OSBPL9: variants seen among roughly 807,000 people sequenced by gnomAD.
OSBPL9 encodes oxysterol-binding protein-related protein 9.
In OSBPL9, 40 loss-of-function variants were observed where a neutral mutation model predicts 106.6. The ratio of observed to expected loss-of-function variants is 0.38; its 90% CI spans 0.29 to 0.49. OSBPL9 has a LOEUF of 0.49. OSBPL9 is among the 20% of genes least tolerant of loss of function. The pLI is 0.97. For synonymous variants in OSBPL9, 269 were observed against 295.4 expected, an observed-to-expected ratio of 0.91 and a Z score of 0.92; for missense variants, 609 against 887.2, an observed-to-expected ratio of 0.69 and a Z score of 3.98.
chr1:51,708,042 G>C (rs1023187347), intron 3 of OSBPL9: 1 of 225,622 alleles, frequency 4.4e-6, no homozygotes, highest in Non-Finnish European at 9.3e-6. Context: ...CAAAGAAGGG[G>C]TCACTGATGA....
intron 2 of OSBPL9, among the ~76,000 whole-genome samples, chr1:51,603,167 A>G (rs941395042): frequency 2.7e-5 from 4 of 147,598 alleles, no homozygotes; most frequent in Non-Finnish European, 5.9e-5. Flanking sequence ...AACAAAAACA[A>G]AAAAAACACT....
intron 12 of OSBPL9, among the ~76,000 whole-genome samples, chr1:51,771,579 G>GT (rs1673914581): frequency 6.6e-6 from 1 of 152,104 alleles, no homozygotes; most frequent in Non-Finnish European, 1.5e-5. Context: ...CTTTAGACCT[G>GT]TTAACTGGCT....
intron 4 of OSBPL9, 187 bp from the exon 5 acceptor site, chr1:51,745,349 T>C (rs543386274): frequency 2.6e-6 from 2 of 755,998 alleles, no homozygotes; most frequent in Non-Finnish European, 1.9e-6. Context: ...GTGCTCCAAG[T>C]TAATGAGGAA....
chr1:51,734,376 T>C (rs1665178512), intron 4 of OSBPL9, among the ~76,000 whole-genome samples: 1 of 152,264 alleles, frequency 6.6e-6, no homozygotes, highest in Admixed American at 6.5e-5. Context: ...TCTTTCTCAC[T>C]CAGTTTCAAG....
At chr1:51,761,134 G>C (rs929698873) in intron 10 of OSBPL9, among the ~76,000 whole-genome samples, 1 of 152,082 alleles carries the variant, frequency 6.6e-6, no homozygotes, top group African/African-American at 2.4e-5. Context: ...TCCGTTTTGG[G>C]GTATTCTGTG....
intron 15 of OSBPL9, among the ~76,000 whole-genome samples, chr1:51,780,624 C>G (rs1028766623): frequency 5.9e-5 from 9 of 152,098 alleles, no homozygotes; most frequent in Middle Eastern, 3.4e-3. Context: ...AATGAAAAAC[C>G]AAGCTGGTGG....
chr1:51,729,777 C>A lies in OSBPL9; in HGVS notation c.318+15698C>A. On this transcript the variant is annotated intron_variant, in intron 4 of 23. Transcript: ENST00000428468. This position sits in a 1 kb window ranked among gnomAD's most constrained non-coding sequence, Gnocchi z 5.1. ...GCCAGGGCCAGCCAATCGGGGCGAC[C>A]CCTCCGCCGGGGAGGGGACGGGAAA... is the stretch of plus-strand genomic sequence containing the variant. 1 of 1,219,706 alleles carries A rather than the reference C, an allele frequency of 8.2e-7. No individual in the cohort carries two copies. Among genetic ancestry groups the A allele is most frequent in the Non-Finnish European group, 1.0e-6 (1 of 970,290 alleles). The allele number at this position is 1,219,706 out of a possible 1,614,324, so 75.6% of individuals were successfully genotyped here. A position where few individuals can be genotyped will look rare whatever the true frequency, so the allele number is the denominator to read the frequency against.
intron 1 of OSBPL9, among the ~76,000 whole-genome samples, chr1:51,629,306 A>G (rs1644963310): frequency 6.6e-6 from 1 of 152,200 alleles, no homozygotes; most frequent in African/African-American, 2.4e-5. Flanking sequence ...CCATTAGAAC[A>G]GAGACTTTAT....
chr1:51,546,652 G>A, the OSBPL9 span, among the ~76,000 whole-genome samples: 11 of 151,122 alleles, frequency 7.3e-5, no homozygotes, highest in African/African-American at 9.7e-5. Flanking sequence ...AGCCGAGATC[G>A]TGCCACTGCA....
intron 13 of OSBPL9, 74 bp from the exon 14 acceptor site, chr1:51,772,531 C>A (rs1013923023): frequency 4.9e-6 from 6 of 1,217,408 alleles, no homozygotes; most frequent in African/African-American, 3.0e-5. Flanking sequence ...AACAAACAAA[C>A]AAAATTGTAA....
At chr1:51,714,112 A>G (rs750728194) in intron 4 of OSBPL9, 33 bp downstream of exon 4, 5 of 1,486,972 alleles carry the variant, frequency 3.4e-6, no homozygotes, top group South Asian at 1.3e-5. Flanking sequence ...CAGATAGTTC[A>G]TTAGTTGTTG....
chr1:51,768,266 G>C (rs1221861054), intron 12 of OSBPL9, among the ~76,000 whole-genome samples: 2 of 147,896 alleles, frequency 1.4e-5, no homozygotes, highest in Non-Finnish European at 3.0e-5. Flanking sequence ...TTTTGCTCTT[G>C]TTGCCCAGGC....
rs780915206 is a variant in OSBPL9 at position 51,786,530 on chromosome 1, A to G, written c.1913A>G (p.Asn638Ser). Residue 638 changes from asparagine (N) to serine (S), a missense_variant, in exon 22 of 24, where the codon AAT (asparagine) becomes AGT (serine). Transcript: ENST00000428468. Reference protein sequence around the residue: ...VMYAKYATGENTVFVDTKKLP... With the variant: ...VMYAKYATGESTVFVDTKKLP... ...TCCACCTCTATTGTTTTCTAGGAAA[A>G]TACAGTCTTTGTAGATACCAAGAAG... The G allele has an allele frequency of 3.1e-6, 5 of 1,599,982 alleles. No homozygotes were observed. Among genetic ancestry groups the G allele is most frequent in the Non-Finnish European group, 4.3e-6 (5 of 1,167,622 alleles).
At chr1:51,550,520 A>G in the OSBPL9 span, among the ~76,000 whole-genome samples, 1 of 151,982 alleles carries the variant, frequency 6.6e-6, no homozygotes, top group Non-Finnish European at 1.5e-5. Flanking sequence ...ATTTTATTTT[A>G]TTTATTTTTT....
At chr1:51,772,254 G>T in intron 13 of OSBPL9, 72 bp downstream of exon 13, 1 of 1,271,702 alleles carries the variant, frequency 7.9e-7, no homozygotes, top group South Asian at 1.4e-5. Flanking sequence ...GGCTCATGCC[G>T]TAATCCCAGC....
chr1:51,621,121 T>G lies in OSBPL9; in HGVS notation c.111+3900T>G, dbSNP rs1488931492. On this transcript the variant is annotated intron_variant, in intron 1 of 23. Transcript: ENST00000428468. Reference sequence around the variant, plus strand: ...TATACAAGTATCAACATATGGCCAGTCTTGTTTTATTAGTACTCCCATTAA... The same window carrying G: ...TATACAAGTATCAACATATGGCCAGGCTTGTTTTATTAGTACTCCCATTAA... Among the ~76,000 whole-genome samples the G allele has an allele frequency of 5.3e-5, 8 of 152,326 alleles. 1 individual carries two copies. In the South Asian group the frequency reaches 8.3e-4, roughly 16 times the overall value.
rs541254088 is a variant in OSBPL9 at position 51,786,756 on chromosome 1, A to G, written c.2000+139A>G. Reference sequence around the variant, plus strand: ...GTTTGAATTCCTGGGTTCGTATGTCAGAACTACCACTTACTACCTTTGTGA... The same window carrying G: ...GTTTGAATTCCTGGGTTCGTATGTCGGAACTACCACTTACTACCTTTGTGA... On this transcript the variant is annotated intron_variant, in intron 22 of 23. Transcript: ENST00000428468. The G allele has an allele frequency of 1.8e-5, 11 of 627,956 alleles. No individual in the cohort carries two copies. The South Asian group carries it at 2.3e-4, about 13-fold the overall frequency. The allele number at this position is 627,956 out of a possible 1,614,324, so 38.9% of individuals were successfully genotyped here.
intron 1 of OSBPL9, among the ~76,000 whole-genome samples, chr1:51,634,099 A>C (rs1205476398): frequency 1.3e-5 from 2 of 152,210 alleles, no homozygotes; most frequent in Admixed American, 1.3e-4. Context: ...TGTTCTTGCT[A>C]ACCACATTTT....
At chr1:51,579,551 C>T (rs1327704446) in intron 1 of OSBPL9, among the ~76,000 whole-genome samples, 2 of 152,034 alleles carry the variant, frequency 1.3e-5, no homozygotes, top group African/African-American at 4.8e-5. Context: ...TCTTCAGGTG[C>T]CAACATGTTG....
Sources: allele counts gnomAD v4.1 joint callset (sites outside exome capture counted in the v4.1 genomes callset), GRCh38; gene constraint gnomAD v4.1.1; non-coding constraint Gnocchi (gnomAD v3.1); transcripts MANE v1.5; gene names NCBI Gene and HGNC (gene_info 2026-07-23, HGNC 2026-07-21).